ZNF385B: variants seen among roughly 807,000 people sequenced by gnomAD.
ZNF385B encodes zinc finger protein 533.
In ZNF385B, 23 loss-of-function variants were observed where a neutral mutation model predicts 39.2. The observed-to-expected ratio is 0.59, with a 90% CI of 0.42 to 0.83. The LOEUF is 0.83. ZNF385B is among the 40% of genes least tolerant of loss of function. The probability of loss-of-function intolerance (pLI) is 0.00; values close to 1 mark genes in which losing one functional copy is unlikely to be tolerated. For missense variants in ZNF385B, 552 were observed against 598.9 expected (o/e 0.92, Z 0.82); for synonymous variants, 205 against 222.6 (o/e 0.92, Z 0.70).
intron 1 of ZNF385B, among the ~76,000 whole-genome samples, chr2:179,781,487 GTA>G (rs1704661711): frequency 6.6e-6 from 1 of 152,144 alleles, no homozygotes; most frequent in East Asian, 1.9e-4. Context: ...TACCTTCACT[GTA>G]TGTCAATTCC....
intron 3 of ZNF385B, among the ~76,000 whole-genome samples, chr2:179,761,521 T>A (rs1474162506): frequency 1.3e-5 from 2 of 152,096 alleles, no homozygotes. Context: ...TAAATGGTAT[T>A]TGCATTTTAA....
At chr2:179,809,349 G>T (rs1706592528) in intron 1 of ZNF385B, among the ~76,000 whole-genome samples, 1 of 152,132 alleles carries the variant, frequency 6.6e-6, no homozygotes, top group South Asian at 2.1e-4. Flanking sequence ...TCTTGCCATT[G>T]AATTATGCTC....
chr2:179,582,652 A>T (rs1429000341), intron 3 of ZNF385B, among the ~76,000 whole-genome samples: 1 of 152,214 alleles, frequency 6.6e-6, no homozygotes, highest in Admixed American at 6.5e-5. Flanking sequence ...AATGCCCTAC[A>T]AAAATTAACA....
chr2:179,842,161 G>A (rs1202778167), intron 1 of ZNF385B, among the ~76,000 whole-genome samples: 2 of 152,152 alleles, frequency 1.3e-5, no homozygotes, highest in Non-Finnish European at 2.9e-5. Flanking sequence ...TAAATTTTGA[G>A]TAAGTGGTGG....
chr2:179,720,938 T>G (rs938905203), intron 3 of ZNF385B, among the ~76,000 whole-genome samples: 1 of 145,866 alleles, frequency 6.9e-6, no homozygotes, highest in Non-Finnish European at 1.5e-5. Flanking sequence ...TTTTTTTTTT[T>G]TTTTTTTTTT....
At chr2:179,651,286 CA>C (rs1693172614) in intron 3 of ZNF385B, among the ~76,000 whole-genome samples, 1 of 152,064 alleles carries the variant, frequency 6.6e-6, no homozygotes, top group African/African-American at 2.4e-5. Flanking sequence ...AATATATTTT[CA>C]GGTGAGGGAT....
chr2:179,804,400 G>A (rs1706222170), intron 1 of ZNF385B, among the ~76,000 whole-genome samples: 1 of 152,174 alleles, frequency 6.6e-6, no homozygotes, highest in African/African-American at 2.4e-5. Context: ...CTTACTCAGA[G>A]CCTGATTTCC....
intron 1 of ZNF385B, among the ~76,000 whole-genome samples, chr2:179,843,001 G>A (rs1708618242): frequency 6.6e-6 from 1 of 151,978 alleles, no homozygotes; most frequent in Non-Finnish European, 1.5e-5. Flanking sequence ...AGGTGTCACC[G>A]CCCCCACCCC....
At chr2:179,548,605 T>C (rs897945046) in intron 3 of ZNF385B, among the ~76,000 whole-genome samples, 2 of 149,532 alleles carry the variant, frequency 1.3e-5, no homozygotes, top group Admixed American at 1.3e-4. Context: ...TTTAATGGAC[T>C]CACAGTTCTA....
chr2:179,693,521 C>T lies in ZNF385B; in HGVS notation c.298+75982G>A, dbSNP rs182086478. ...ATGCAATAATGAATTATTTCTGACA[C>T]AGAAATGTTTAAAGAATAACTTAAA... On this transcript the variant is annotated intron_variant, in intron 3 of 9. Coordinates refer to ENST00000410066, the MANE Select transcript of ZNF385B (RefSeq NM_152520.6). 3.3e-5 allele frequency among the ~76,000 whole-genome samples: 5 copies of T among 152,080 alleles called. No individual in the cohort carries two copies. In the East Asian group the frequency reaches 9.6e-4, roughly 29 times the overall value.
intron 3 of ZNF385B, among the ~76,000 whole-genome samples, chr2:179,748,369 T>A (rs891868379): frequency 8.5e-5 from 13 of 152,150 alleles, no homozygotes; most frequent in Admixed American, 3.9e-4. Context: ...AGTATTTTTT[T>A]AGCAACCTAC....
At chr2:179,686,382 C>T (rs935291779) in intron 3 of ZNF385B, among the ~76,000 whole-genome samples, 1 of 152,152 alleles carries the variant, frequency 6.6e-6, no homozygotes, top group Non-Finnish European at 1.5e-5. Context: ...GCCACAGTGC[C>T]TACGATGTTA....
intron 3 of ZNF385B, among the ~76,000 whole-genome samples, chr2:179,765,310 C>T (rs1559174231): frequency 6.6e-6 from 1 of 152,088 alleles, no homozygotes; most frequent in Non-Finnish European, 1.5e-5. Flanking sequence ...TTTATGCTGC[C>T]TAGTACAAAC....
chr2:179,650,252 A>G (rs1246561677), intron 3 of ZNF385B, among the ~76,000 whole-genome samples: 2 of 152,204 alleles, frequency 1.3e-5, no homozygotes, highest in African/African-American at 2.4e-5. Context: ...TTTCACCTGG[A>G]AAGATTTGGT....
At position 179,518,437 on chromosome 2, in the gene ZNF385B, A is replaced by G. The variant is rs1040572317; in HGVS notation, c.552+91T>C. ...GGCTACCAATAGGAGTGGCTGCTAC[A>G]GTATGTAAATATGAAGAAATGTACG... is the stretch of plus-strand genomic sequence containing the variant. On this transcript the variant is annotated intron_variant, in intron 5 of 9. Transcript: ENST00000410066. The G allele has an allele frequency of 8.4e-6, 8 of 947,590 alleles. No individual in the cohort carries two copies. The African/African-American group carries it at 1.2e-4, about 14-fold the overall frequency. 58.7% of individuals were successfully genotyped at this position (947,590 alleles called of 1,614,324 possible).
intron 3 of ZNF385B, among the ~76,000 whole-genome samples, chr2:179,657,366 G>A (rs1262531325): frequency 2.0e-5 from 3 of 152,200 alleles, no homozygotes; most frequent in African/African-American, 7.2e-5. Context: ...ATGTGGCCAA[G>A]AATAAGTAAG....
At chr2:179,479,377 A>G (rs2053752764) in intron 6 of ZNF385B, among the ~76,000 whole-genome samples, 1 of 152,192 alleles carries the variant, frequency 6.6e-6, no homozygotes, top group Non-Finnish European at 1.5e-5. Flanking sequence ...ATCTCTTTGC[A>G]TTGTACAGAT....
chr2:179,571,900 C>T (rs1393760373), intron 3 of ZNF385B, among the ~76,000 whole-genome samples: 1 of 152,054 alleles, frequency 6.6e-6, no homozygotes, highest in African/African-American at 2.4e-5. Flanking sequence ...CCTTCTAGAC[C>T]ACATCCTGGG....
intron 3 of ZNF385B, among the ~76,000 whole-genome samples, chr2:179,597,357 A>G (rs1180973561): frequency 6.6e-6 from 1 of 152,186 alleles, no homozygotes; most frequent in Non-Finnish European, 1.5e-5. Flanking sequence ...GTACAGCAAC[A>G]CTTTAATACA....
Sources: allele counts gnomAD v4.1 joint callset (sites outside exome capture counted in the v4.1 genomes callset), GRCh38; gene constraint gnomAD v4.1.1; transcripts MANE v1.5; gene names NCBI Gene and HGNC (gene_info 2026-07-23, HGNC 2026-07-21).